Variants in KMT2C observed in about 807,000 individuals in gnomAD.
KMT2C encodes lysine methyltransferase 2C, also known as histone-lysine N-methyltransferase 2C.
In KMT2C, 88 loss-of-function variants were observed where a neutral mutation model predicts 507.9. The ratio of observed to expected loss-of-function variants is 0.17; its 90% CI spans 0.15 to 0.21. The LOEUF (loss-of-function observed/expected upper bound fraction) is 0.21, where lower values mean the gene tolerates loss of function less well. Ranked by LOEUF, KMT2C falls within the 10% of genes least tolerant of loss-of-function variation. The pLI is 1.00. For missense variants in KMT2C, 4,954 were observed against 5,957.8 expected, an observed-to-expected ratio of 0.83 and a Z score of 5.55; for synonymous variants, 2,049 against 2,080.8, an observed-to-expected ratio of 0.98 and a Z score of 0.42.
rs749714940 is a variant in KMT2C, at chr7:152,348,022, A to T, written c.250+10565T>A. ...AAAATGAAAAATGGGACATCACTACAGATCCCATGGAATCTTAAATATTCA... is the reference window on the plus strand; with the variant it reads ...AAAATGAAAAATGGGACATCACTACTGATCCCATGGAATCTTAAATATTCA... On this transcript the variant is annotated intron_variant, in intron 2 of 58. Transcript: ENST00000262189. Among the ~76,000 whole-genome samples, 5 of 152,322 alleles carry T rather than the reference A, an allele frequency of 3.3e-5. No homozygotes were observed. The South Asian group carries it at 1.0e-3, about 32-fold the overall frequency.
rs1447889260 is a variant in KMT2C, at chr7:152,176,191, C to G, written c.9262G>C (p.Asp3088His). 1 of 1,586,712 alleles carries G rather than the reference C, an allele frequency of 6.3e-7. No homozygotes were observed. Among genetic ancestry groups the G allele is most frequent in the Admixed American group, 1.8e-5 (1 of 55,832 alleles). The change falls in exon 38 of 59, where the codon GAT (aspartate) becomes CAT (histidine). Residue 3088 changes from aspartate to histidine, a missense_variant and splice_region_variant. Around this residue, in one of 29 missense-constraint regions of KMT2C, gnomAD observed 1,689 missense variants for 1,654.3 expected, o/e 1.02. Coordinates refer to ENST00000262189, the MANE Select transcript of KMT2C (RefSeq NM_170606.3). ...CGTTGAGACTCAAGAAAACTCCTACCAATATTAGGGAAGAACGGTTCTGAT... is the reference window on the plus strand; with the variant it reads ...CGTTGAGACTCAAGAAAACTCCTACGAATATTAGGGAAGAACGGTTCTGAT... ...QRSEPFFPNIDFDAITDPIMK... is the reference protein window; with the variant it reads ...QRSEPFFPNIHFDAITDPIMK...
chr7:152,325,908 TTTC>T (rs1388297491), intron 3 of KMT2C, among the ~76,000 whole-genome samples: 4 of 145,270 alleles, frequency 2.8e-5, no homozygotes, highest in African/African-American at 5.6e-5. Flanking sequence ...AAATTAGGTC[TTTC>T]TTTTTTTTTT....
At chr7:152,393,670 T>C (rs2097518304) in intron 1 of KMT2C, among the ~76,000 whole-genome samples, 1 of 152,094 alleles carries the variant, frequency 6.6e-6, no homozygotes, top group Non-Finnish European at 1.5e-5. Flanking sequence ...TCCCAACACT[T>C]TGGGAGGCTG....
chr7:152,367,745 T>G, intron 1 of KMT2C: 1 of 1,102,612 alleles, frequency 9.1e-7, no homozygotes, highest in Non-Finnish European at 1.4e-6. Flanking sequence ...CTCTTATCGA[T>G]TACATTGATA....
At chr7:152,155,683 T>A (rs11975229) in intron 46 of KMT2C, among the ~76,000 whole-genome samples, 7,582 of 152,212 alleles carry the variant, frequency 0.05, 313 homozygotes, top group East Asian at 0.17. Flanking sequence ...TAACTGTCTA[T>A]TAGATTATTT....
chr7:152,274,248 G>T (rs910957789), intron 6 of KMT2C, among the ~76,000 whole-genome samples: 8 of 151,580 alleles, frequency 5.3e-5, no homozygotes. Context: ...CTAGTAATAG[G>T]AACATATATT....
At chr7:152,411,603 A>T (rs2097685042) in intron 1 of KMT2C, among the ~76,000 whole-genome samples, 1 of 152,244 alleles carries the variant, frequency 6.6e-6, no homozygotes, top group Non-Finnish European at 1.5e-5. Context: ...CACCTAAAAA[A>T]AGGTGGGATG....
At chr7:152,373,434 G>T (rs2097306174) in intron 1 of KMT2C, among the ~76,000 whole-genome samples, 1 of 152,062 alleles carries the variant, frequency 6.6e-6, no homozygotes, top group African/African-American at 2.4e-5. Context: ...TGAGATAACA[G>T]CCTAACAATT....
chr7:152,433,085 T>C lies in KMT2C; in HGVS notation c.161+2541A>G, dbSNP rs552051773. Among the ~76,000 whole-genome samples the C allele has an allele frequency of 2.0e-5, 3 of 151,546 alleles. No individual in the cohort carries two copies. In the South Asian group the frequency reaches 6.3e-4, roughly 32 times the overall value. On this transcript the variant is annotated intron_variant, in intron 1 of 58. Transcript: ENST00000262189. ...ATCGCTTGAATACACGAGGCAGAGG[T>C]TGCGGTGAGCCGAGATCATACCACT...
At chr7:152,227,341 T>TC (rs1317891157) in intron 18 of KMT2C, among the ~76,000 whole-genome samples, 7 of 152,216 alleles carry the variant, frequency 4.6e-5, no homozygotes, top group African/African-American at 1.7e-4. Context: ...CAGGATTCCA[T>TC]CCATGGTACC....
At chr7:152,338,398 A>G (rs1448487618) in intron 2 of KMT2C, among the ~76,000 whole-genome samples, 1 of 152,188 alleles carries the variant, frequency 6.6e-6, no homozygotes, top group Non-Finnish European at 1.5e-5. Flanking sequence ...CGTTTAATGG[A>G]TCTAGATGAA....
intron 12 of KMT2C, 108 bp from the exon 13 acceptor site, chr7:152,250,061 C>A: frequency 1.5e-6 from 1 of 648,786 alleles, no homozygotes; most frequent in Non-Finnish European, 2.7e-6. Flanking sequence ...TGTCAATTTC[C>A]AATATAAGCA....
At position 152,154,391 on chromosome 7, in the gene KMT2C, G is replaced by C. The variant is rs1266494739; in HGVS notation, c.12015C>G (p.Ser4005=). The change falls in exon 47 of 59, where the codon TCC becomes TCG. Residue 4005 remains serine (S), a synonymous_variant. Transcript: ENST00000262189. Reference sequence around the variant, plus strand: ...CTACCCCAACCACACTCTCAGGAGAGGATGAGGGAACAAAACTGTCAGGAG... The same window carrying C: ...CTACCCCAACCACACTCTCAGGAGACGATGAGGGAACAAAACTGTCAGGAG... ...RDTPDSFVPS[S]SPESVVGVEV... 3.1e-6 allele frequency: 5 copies of C among 1,613,984 alleles called. No individual in the cohort carries two copies. In the African/African-American group the frequency reaches 6.7e-5, roughly 22 times the overall value.
chr7:152,337,468 T>C (rs1265832820), intron 2 of KMT2C, among the ~76,000 whole-genome samples: 1 of 152,156 alleles, frequency 6.6e-6, no homozygotes, highest in South Asian at 2.1e-4. Flanking sequence ...CTTTTCCACC[T>C]CCAATGACTC....
Position 152,174,238 on chromosome 7 carries a change from A to T in KMT2C, c.9267T>A (p.Phe3089Leu), listed in dbSNP as rs771168434. 2 of 1,491,868 alleles carry T rather than the reference A, an allele frequency of 1.3e-6. No individual in the cohort carries two copies. The highest frequency in any genetic ancestry group is 1.9e-6 in the Non-Finnish European group (2 of 1,076,336). 92.4% of individuals were successfully genotyped at this position (1,491,868 alleles called of 1,614,324 possible). A position where few individuals can be genotyped will look rare whatever the true frequency, so the allele number is the denominator to read the frequency against. Reference sequence around the variant, plus strand: ...TCATTATAGGATCTGTAATTGCATCAAAATCTAGAAAAGAAATATAAAGTT... The same window carrying T: ...TCATTATAGGATCTGTAATTGCATCTAAATCTAGAAAAGAAATATAAAGTT... ...RSEPFFPNID[F>L]DAITDPIMKA... The change falls in exon 39 of 59, where the codon TTT becomes TTA. Residue 3089 changes from phenylalanine to leucine, a missense_variant. Phe to Leu is a conservative substitution (Grantham distance 22). Around this residue, in one of 29 missense-constraint regions of KMT2C, gnomAD observed 1,689 missense variants for 1,654.3 expected, o/e 1.02. Transcript: ENST00000262189.
At chr7:152,139,092 G>T in intron 57 of KMT2C, 94 bp downstream of exon 57, 2 of 1,224,610 alleles carry the variant, frequency 1.6e-6, no homozygotes, top group Non-Finnish European at 2.4e-6. Context: ...CCGCCAGGCT[G>T]CCGTGAGAGC....
At chr7:152,178,815 A>C (rs1471070437) in intron 37 of KMT2C, among the ~76,000 whole-genome samples, 1 of 152,202 alleles carries the variant, frequency 6.6e-6, no homozygotes, top group East Asian at 1.9e-4. Flanking sequence ...ACTAAAAAGC[A>C]TATCTTAAAG....
At chr7:152,219,297 A>C (rs757500158) in intron 23 of KMT2C, among the ~76,000 whole-genome samples, 2 of 152,114 alleles carry the variant, frequency 1.3e-5, no homozygotes, top group Middle Eastern at 3.2e-3. Context: ...CTTTATTTTT[A>C]CCATGGGACT....
Position 152,176,462 on chromosome 7 carries a change from T to A in KMT2C, c.8991A>T (p.Gln2997His), listed in dbSNP as rs1174387193. Reference sequence around the variant, plus strand: ...TCCCCAGACTGTGGTTAACTGTTGATTGACCTGGAATGAGCCCTGGGTTTA... The same window carrying A: ...TCCCCAGACTGTGGTTAACTGTTGAATGACCTGGAATGAGCCCTGGGTTTA... ...VQVNPGLIPG[Q>H]STVNHSLGTG... The change falls in exon 38 of 59, where the codon CAA becomes CAT. Residue 2997 changes from glutamine to histidine, a missense_variant. Physicochemically the swap from Gln to His is conservative, Grantham distance 24 (BLOSUM62 0). This residue lies in a region of KMT2C where 1,689 missense variants were observed against 1,654.3 expected (regional missense o/e 1.02). Coordinates refer to ENST00000262189, the MANE Select transcript of KMT2C (RefSeq NM_170606.3). 1 of 1,614,196 alleles carries A rather than the reference T, an allele frequency of 6.2e-7. No individual in the cohort carries two copies. Among genetic ancestry groups the A allele is most frequent in the Admixed American group, 1.7e-5 (1 of 60,024 alleles).
Sources: allele counts gnomAD v4.1 joint callset (sites outside exome capture counted in the v4.1 genomes callset), GRCh38; gene constraint gnomAD v4.1.1; regional missense constraint gnomAD v4.1.1; transcripts MANE v1.5; gene names NCBI Gene and HGNC (gene_info 2026-07-23, HGNC 2026-07-21).